Variants in GPM6A observed in about 807,000 individuals in gnomAD.
GPM6A encodes neuronal membrane glycoprotein M6-a.
Under a neutral mutation model 32.1 loss-of-function variants are expected in GPM6A, and 7 were observed. The observed-to-expected ratio is 0.22, with a 90% CI of 0.12 to 0.41. The LOEUF (loss-of-function observed/expected upper bound fraction) is 0.41, where lower values mean the gene tolerates loss of function less well. Among genes scored for constraint, GPM6A ranks in the 10% least tolerant of loss-of-function variants. The probability of loss-of-function intolerance (pLI) is 1.00; values close to 1 mark genes in which losing one functional copy is unlikely to be tolerated. For missense variants in GPM6A, 235 were observed against 347.2 expected, an observed-to-expected ratio of 0.68 and a Z score of 2.57; for synonymous variants, 130 against 123.4, an observed-to-expected ratio of 1.05 and a Z score of -0.35.
At chr4:175,994,562 A>G (rs1242802979) in intron 1 of GPM6A, among the ~76,000 whole-genome samples, 1 of 152,220 alleles carries the variant, frequency 6.6e-6, no homozygotes, top group Non-Finnish European at 1.5e-5. Flanking sequence ...ATTTTAAAAT[A>G]CTTTATTGCT....
At chr4:175,838,489 A>G (rs995735232) in intron 1 of GPM6A, among the ~76,000 whole-genome samples, 5 of 151,570 alleles carry the variant, frequency 3.3e-5, no homozygotes, top group African/African-American at 1.2e-4. Flanking sequence ...TCCCTGCAAC[A>G]AAGTCAGTAG....
intron 1 of GPM6A, among the ~76,000 whole-genome samples, chr4:175,704,472 T>G (rs1745064410): frequency 6.6e-6 from 1 of 152,164 alleles, no homozygotes; most frequent in African/African-American, 2.4e-5. Flanking sequence ...GTGTAGTGTC[T>G]GAATGTCACT....
chr4:175,788,336 C>T (rs1403911652), intron 1 of GPM6A, among the ~76,000 whole-genome samples: 2 of 152,132 alleles, frequency 1.3e-5, no homozygotes, highest in East Asian at 1.9e-4. Flanking sequence ...GTAAGAGATA[C>T]ATGTATTTTC....
intron 3 of GPM6A, among the ~76,000 whole-genome samples, chr4:175,672,903 G>T (rs895037911): frequency 6.6e-6 from 1 of 152,064 alleles, no homozygotes; most frequent in Non-Finnish European, 1.5e-5. Context: ...TGGTAAACAG[G>T]CATTTTTGAA....
intron 1 of GPM6A, among the ~76,000 whole-genome samples, chr4:175,877,937 G>A (rs1473075253): frequency 6.6e-6 from 1 of 152,188 alleles, no homozygotes; most frequent in Non-Finnish European, 1.5e-5. Flanking sequence ...ATGGGGTAAA[G>A]GCACTGGTAA....
At chr4:175,812,326 T>TTTTTTG (rs1734962774), upstream of GPM6A, 1 of 1,385,836 alleles carries the variant, frequency 7.2e-7, no homozygotes, top group Admixed American at 2.9e-5. Context: ...TTTTTTTTTT[T>TTTTTTG]TTTTTTTTTT....
At chr4:175,674,427 G>A (rs1415388866) in intron 2 of GPM6A, among the ~76,000 whole-genome samples, 1 of 152,078 alleles carries the variant, frequency 6.6e-6, no homozygotes, top group Non-Finnish European at 1.5e-5. Flanking sequence ...CCACCACCTT[G>A]GCTTCCCAAA....
intron 1 of GPM6A, among the ~76,000 whole-genome samples, chr4:175,851,451 C>T (rs1408710607): frequency 3.3e-5 from 5 of 150,444 alleles, no homozygotes; most frequent in African/African-American, 9.8e-5. Context: ...TGCCATTGCA[C>T]TCCAGCCCGG....
intron 1 of GPM6A, among the ~76,000 whole-genome samples, chr4:175,879,599 T>C (rs558890255): frequency 1.4e-4 from 21 of 152,046 alleles, no homozygotes; most frequent in Non-Finnish European, 2.5e-4. Context: ...CATAATTCAA[T>C]TATCTCCACC....
chr4:175,808,629 A>C (rs1734793456), intron 1 of GPM6A: 1 of 152,230 alleles, frequency 6.6e-6, no homozygotes. Context: ...CTAGTGACCC[A>C]GTCCCTGAGA....
intron 1 of GPM6A, among the ~76,000 whole-genome samples, chr4:175,942,698 C>T (rs1164387770): frequency 1.3e-5 from 2 of 151,952 alleles, no homozygotes; most frequent in African/African-American, 2.4e-5. Flanking sequence ...AGAAGTGTGG[C>T]GTTATTTCTG....
chr4:175,946,480 A>G (rs1739609989), intron 1 of GPM6A, among the ~76,000 whole-genome samples: 1 of 152,168 alleles, frequency 6.6e-6, no homozygotes, highest in Admixed American at 6.5e-5. Context: ...AATAAATTAC[A>G]CTATTTAGAT....
intron 1 of GPM6A, among the ~76,000 whole-genome samples, chr4:175,754,963 C>T (rs1164753231): frequency 6.6e-6 from 1 of 151,872 alleles, no homozygotes; most frequent in Non-Finnish European, 1.5e-5. Context: ...CTGTCTACTC[C>T]CCCCACAACA....
At chr4:175,811,663 C>A (rs1734924483) in intron 1 of GPM6A, among the ~76,000 whole-genome samples, 1 of 152,138 alleles carries the variant, frequency 6.6e-6, no homozygotes, top group Non-Finnish European at 1.5e-5. Context: ...AACTTTTGCT[C>A]CATCTGCTTA....
chr4:175,744,778 T>C (rs186969351), intron 1 of GPM6A, among the ~76,000 whole-genome samples: 2 of 152,280 alleles, frequency 1.3e-5, no homozygotes, highest in East Asian at 3.9e-4. Context: ...AACACTCTAG[T>C]AGAAAGAAAC....
At chr4:175,710,914 G>C (rs1440639511) in intron 1 of GPM6A, among the ~76,000 whole-genome samples, 2 of 152,016 alleles carry the variant, frequency 1.3e-5, no homozygotes, top group African/African-American at 4.8e-5. Context: ...ACTCAGCTCT[G>C]TTTCCTAACC....
intron 1 of GPM6A, among the ~76,000 whole-genome samples, chr4:175,769,565 C>T (rs1733108355): frequency 6.9e-6 from 1 of 144,570 alleles, no homozygotes; most frequent in Admixed American, 6.7e-5. Flanking sequence ...CCAAACACCC[C>T]CGAATGAGGT....
At chr4:175,671,984 G>GAAAAA (rs773227963) in intron 3 of GPM6A, among the ~76,000 whole-genome samples, 16 of 109,666 alleles carry the variant, frequency 1.5e-4, no homozygotes, top group Non-Finnish European at 2.6e-4. Flanking sequence ...TACCATTATA[G>GAAAAA]AAAAAAAAAA....
chr4:175,963,310 G>A (rs79326099), intron 1 of GPM6A, among the ~76,000 whole-genome samples: 9,406 of 151,880 alleles, frequency 0.062, 930 homozygotes, highest in African/African-American at 0.21. Flanking sequence ...TAAGAATCTC[G>A]GAGAACACCA....
Sources: allele counts gnomAD v4.1 joint callset (sites outside exome capture counted in the v4.1 genomes callset), GRCh38; gene constraint gnomAD v4.1.1; transcripts MANE v1.5; gene names NCBI Gene and HGNC (gene_info 2026-07-23, HGNC 2026-07-21).